The following GPHN variants were observed in gnomAD, a reference collection of about 807,000 sequenced individuals.
The protein encoded by GPHN is gephyrin.
A neutral mutation model predicts 95.5 loss-of-function variants in GPHN; 17 were observed. The ratio of observed to expected loss-of-function variants is 0.18; its 90% CI spans 0.12 to 0.27. The LOEUF (loss-of-function observed/expected upper bound fraction) is 0.27. Among genes scored for constraint, GPHN ranks in the 10% least tolerant of loss-of-function variants. The pLI is 1.00. For missense variants in GPHN, 660 were observed against 978.1 expected (o/e 0.67, Z 4.34); for synonymous variants, 320 against 322.5 (o/e 0.99, Z 0.08).
At chr14:66,890,364 C>A (rs1360236830) in intron 5 of GPHN, among the ~76,000 whole-genome samples, 1 of 143,216 alleles carries the variant, frequency 7.0e-6, no homozygotes. Flanking sequence ...GAGCCCTGAT[C>A]ATGCGCACTG....
the GPHN span, chr14:67,350,800 G>A: frequency 2.1e-5 from 21 of 1,016,132 alleles, no homozygotes; most frequent in Non-Finnish European, 2.9e-5. Flanking sequence ...GGCTGTGCAT[G>A]TAAATATTGG....
In GPHN at chr14:66,678,658, C is replaced by T. The variant is rs553241541; in HGVS notation, c.65-2449C>T. On this transcript the variant is annotated intron_variant, in intron 1 of 22. Transcript: ENST00000478722. ...CATATTTCCTTTTTCATGTGTCTTG[C>T]ATCCCTACATTGATAACTGTGTATA... 1.1e-4 allele frequency among the ~76,000 whole-genome samples: 16 copies of T among 152,086 alleles called. No homozygotes were observed. In the South Asian group the frequency reaches 3.3e-3, roughly 32 times the overall value.
At chr14:67,542,051 G>A in the GPHN span, 211 of 1,467,680 alleles carry the variant, frequency 1.4e-4, no homozygotes, top group Admixed American at 2.6e-4. Context: ...TGGCAGGGAG[G>A]GCCGTGTGAG....
the GPHN span, chr14:67,204,514 T>C: frequency 5.0e-6 from 8 of 1,604,220 alleles, no homozygotes; most frequent in Non-Finnish European, 6.8e-6. Context: ...CTCCAGATGA[T>C]GTTACCGTGT....
chr14:67,574,246 T>C, the GPHN span: 5 of 1,601,332 alleles, frequency 3.1e-6, no homozygotes, highest in Non-Finnish European at 4.3e-6. This position sits in a 1 kb window ranked among gnomAD's most constrained non-coding sequence, Gnocchi z 4.2. Flanking sequence ...CCACAGCTCA[T>C]CTCTGAGAAG....
At chr14:67,693,881 C>T in the GPHN span, among the ~76,000 whole-genome samples, 78 of 152,214 alleles carry the variant, frequency 5.1e-4, 1 homozygote, top group East Asian at 0.014. Flanking sequence ...GAACTCCTGA[C>T]CTCAGGTGAT....
At chr14:66,669,971 T>G (rs2066211355) in intron 1 of GPHN, among the ~76,000 whole-genome samples, 1 of 152,210 alleles carries the variant, frequency 6.6e-6, no homozygotes, top group Admixed American at 6.5e-5. Context: ...TTCATTCAGT[T>G]TGAGATCTTC....
At chr14:66,527,209 T>A (rs2058725884) in intron 1 of GPHN, among the ~76,000 whole-genome samples, 1 of 152,232 alleles carries the variant, frequency 6.6e-6, no homozygotes, top group Non-Finnish European at 1.5e-5. Flanking sequence ...GGAAAGTGTA[T>A]GTGTCCAGGA....
chr14:67,511,993 A>G, the GPHN span, among the ~76,000 whole-genome samples: 7 of 152,250 alleles, frequency 4.6e-5, 1 homozygote, highest in Non-Finnish European at 4.4e-5. Flanking sequence ...CCCACAGCTC[A>G]AAGTCTGAGG....
chr14:66,517,631 T>C (rs1011816730), intron 1 of GPHN, among the ~76,000 whole-genome samples: 1 of 152,056 alleles, frequency 6.6e-6, no homozygotes, highest in African/African-American at 2.4e-5. Context: ...ACCCAGAAAT[T>C]AATCCTCATA....
At chr14:67,681,189 C>G in the GPHN span, among the ~76,000 whole-genome samples, 15 of 152,276 alleles carry the variant, frequency 9.9e-5, no homozygotes, top group Non-Finnish European at 1.3e-4. Flanking sequence ...AGAGGAAAGG[C>G]CATGCGAGGG....
At chr14:67,401,850 G>A in the GPHN span, among the ~76,000 whole-genome samples, 1 of 152,274 alleles carries the variant, frequency 6.6e-6, no homozygotes, top group Admixed American at 6.5e-5. Context: ...ACAGGCCGGC[G>A]CGGTGGCTCA....
intron 4 of GPHN, among the ~76,000 whole-genome samples, chr14:66,862,353 T>A (rs186990641): frequency 7.6e-4 from 116 of 151,890 alleles, no homozygotes; most frequent in African/African-American, 2.7e-3. Context: ...AAAAAAAGTA[T>A]CCCAGTGAAG....
chr14:66,724,106 G>T (rs2071007198), intron 2 of GPHN, among the ~76,000 whole-genome samples: 1 of 151,554 alleles, frequency 6.6e-6, no homozygotes, highest in East Asian at 1.9e-4. Context: ...AACTCAACTG[G>T]TTTATATAAA....
intron 1 of GPHN, 66 bp downstream of exon 1, chr14:66,508,657 C>T: frequency 7.3e-7 from 1 of 1,362,822 alleles, no homozygotes; most frequent in Non-Finnish European, 1.1e-6. Context: ...GGCTTTTCGC[C>T]TGTGGTGGCC....
chr14:67,200,214 A>G, the GPHN span: 1 of 1,092,056 alleles, frequency 9.2e-7, no homozygotes, highest in Non-Finnish European at 1.3e-6. Context: ...CCATGGATAC[A>G]CTGGCCCTCC....
chr14:67,327,034 G>C, the GPHN span, among the ~76,000 whole-genome samples: 1 of 152,146 alleles, frequency 6.6e-6, no homozygotes, highest in Non-Finnish European at 1.5e-5. Context: ...AGTTAGCCGG[G>C]TGTGGTGGCA....
At chr14:67,148,572 T>A (rs1348037223) in intron 18 of GPHN, among the ~76,000 whole-genome samples, 1 of 147,130 alleles carries the variant, frequency 6.8e-6, no homozygotes, top group Non-Finnish European at 1.5e-5. Context: ...TTTTTTTTTT[T>A]TTTTTTGAGA....
chr14:67,029,748 G>A (rs1259257962), intron 10 of GPHN, among the ~76,000 whole-genome samples: 2 of 152,154 alleles, frequency 1.3e-5, no homozygotes, highest in Non-Finnish European at 1.5e-5. Context: ...CTAGTCTTAC[G>A]TAAATTTATC....
Sources: gnomAD v4.1 joint callset for allele counts (sites outside exome capture counted in the v4.1 genomes callset) on GRCh38, gnomAD v4.1.1 for gene constraint, Gnocchi (gnomAD v3.1) non-coding constraint, MANE v1.5 for transcripts, NCBI Gene and HGNC (gene_info 2026-07-23, HGNC 2026-07-21) for gene names.